Variants in STXBP3 observed in about 807,000 individuals in gnomAD.
STXBP3 encodes syntaxin-binding protein 3.
In STXBP3, 41 loss-of-function variants were observed where a neutral mutation model predicts 85.7. The observed-to-expected ratio is 0.48, with a 90% CI of 0.37 to 0.62. The LOEUF is 0.62. Among genes scored for constraint, STXBP3 ranks in the 20% least tolerant of loss-of-function variants. The pLI is 0.00. For missense variants in STXBP3, 563 were observed against 703.1 expected, an observed-to-expected ratio of 0.80 and a Z score of 2.25; for synonymous variants, 229 against 231.7, an observed-to-expected ratio of 0.99 and a Z score of 0.10.
At chr1:108,784,079 C>A (rs1662776918) in intron 11 of STXBP3, among the ~76,000 whole-genome samples, 1 of 152,100 alleles carries the variant, frequency 6.6e-6, no homozygotes, top group Non-Finnish European at 1.5e-5. Flanking sequence ...AACAGAAGAT[C>A]TCAATTTTAA....
Position 108,756,688 on chromosome 1 carries a change from A to T in STXBP3, c.182-2A>T, listed in dbSNP as rs755441013. On this transcript the variant is annotated splice_acceptor_variant, in intron 3 of 18. Transcript: ENST00000370008. LOFTEE classifies it high-confidence loss of function. ...ATATAAAATGACCTTTTTTCTTGTT[A>T]GTTGTAGAGAATATTTATAAGAACC... 2.0e-6 allele frequency: 3 copies of T among 1,532,816 alleles called. No individual in the cohort carries two copies. The highest frequency in any genetic ancestry group is 3.8e-5 in the Admixed American group (2 of 52,772). The allele number at this position is 1,532,816 out of a possible 1,614,324, so 95.0% of individuals were successfully genotyped here.
At chr1:108,763,672 T>C (rs540859295) in intron 6 of STXBP3, among the ~76,000 whole-genome samples, 1 of 151,862 alleles carries the variant, frequency 6.6e-6, no homozygotes, top group Admixed American at 6.6e-5. Flanking sequence ...ACTTCCCGAG[T>C]TCAAGCGATT....
At chr1:108,802,934 T>A (rs914296097) in intron 17 of STXBP3, among the ~76,000 whole-genome samples, 1 of 152,236 alleles carries the variant, frequency 6.6e-6, no homozygotes, top group Non-Finnish European at 1.5e-5. Flanking sequence ...TTTTCACTGC[T>A]AGTTGGTATA....
intron 6 of STXBP3, among the ~76,000 whole-genome samples, chr1:108,764,480 T>C (rs1662215140): frequency 6.6e-6 from 1 of 152,224 alleles, no homozygotes; most frequent in African/African-American, 2.4e-5. Context: ...CACACTGTCT[T>C]CCACAATGGT....
At chr1:108,759,464 G>A (rs562621530) in intron 5 of STXBP3, among the ~76,000 whole-genome samples, 3 of 152,210 alleles carry the variant, frequency 2.0e-5, no homozygotes, top group Non-Finnish European at 2.9e-5. Context: ...AGATCTAGTG[G>A]AATGATAAAC....
chr1:108,793,800 T>C (rs1198113643), intron 12 of STXBP3, among the ~76,000 whole-genome samples, 153 bp downstream of exon 12: 1 of 152,240 alleles, frequency 6.6e-6, no homozygotes, highest in Non-Finnish European at 1.5e-5. Context: ...ATATCCCATA[T>C]ATCTAAGCTT....
At chr1:108,779,908 T>G (rs1385232776) in intron 9 of STXBP3, 4 of 152,178 alleles carry the variant, frequency 2.6e-5, no homozygotes, top group African/African-American at 9.7e-5. Context: ...TGAGTTAATC[T>G]TGGTATAAAC....
At chr1:108,760,915 T>G (rs1662125371) in intron 6 of STXBP3, among the ~76,000 whole-genome samples, 1 of 152,194 alleles carries the variant, frequency 6.6e-6, no homozygotes, top group South Asian at 2.1e-4. Flanking sequence ...GTTTTTTTCT[T>G]TTTTTGAGAC....
chr1:108,769,189 A>G (rs575906975), intron 6 of STXBP3, among the ~76,000 whole-genome samples: 5 of 152,336 alleles, frequency 3.3e-5, no homozygotes, highest in Admixed American at 3.3e-4. Context: ...TATACTTACT[A>G]TTAAATAGAA....
intron 4 of STXBP3, 76 bp from the exon 5 acceptor site, chr1:108,758,430 ATAAT>A: frequency 1.4e-6 from 1 of 711,408 alleles, no homozygotes; most frequent in Non-Finnish European, 2.1e-6. Context: ...CTGAAATAAA[ATAAT>A]CTTAGTCATT....
At chr1:108,794,945 A>T in intron 13 of STXBP3, 38 bp downstream of exon 13, 1 of 1,538,808 alleles carries the variant, frequency 6.5e-7, no homozygotes, top group Non-Finnish European at 8.8e-7. Flanking sequence ...TTCATAACAA[A>T]TTTCAAGGAT....
chr1:108,759,958 A>G (rs1421118789), intron 5 of STXBP3, 27 bp from the exon 6 acceptor site: 2 of 1,346,054 alleles, frequency 1.5e-6, no homozygotes, highest in Non-Finnish European at 2.1e-6. Context: ...AGATGTAACT[A>G]TATGCTTTGT....
chr1:108,771,371 TATATATATAATATATAAATATATATG>T (rs1557805369), intron 6 of STXBP3, among the ~76,000 whole-genome samples: 4 of 119,516 alleles, frequency 3.3e-5, no homozygotes, highest in African/African-American at 6.7e-5. Flanking sequence ...TATATATCTA[TATATATATAATATATAAATATATATG>T]ATATATATCT....
At chr1:108,789,387 C>T (rs1429818330) in intron 11 of STXBP3, among the ~76,000 whole-genome samples, 1 of 152,082 alleles carries the variant, frequency 6.6e-6, no homozygotes, top group Admixed American at 6.5e-5. Flanking sequence ...CAAGACAGTT[C>T]TTCTTCCAGT....
intron 18 of STXBP3, among the ~76,000 whole-genome samples, 189 bp from the exon 19 acceptor site, chr1:108,808,594 C>T (rs1352270422): frequency 1.3e-5 from 2 of 152,234 alleles, no homozygotes; most frequent in Admixed American, 1.3e-4. Flanking sequence ...AGTTACTGAA[C>T]ATGCTCAGTG....
intron 11 of STXBP3, among the ~76,000 whole-genome samples, chr1:108,791,303 A>G (rs528321602): frequency 4.5e-4 from 69 of 152,278 alleles, no homozygotes; most frequent in African/African-American, 1.5e-3. Flanking sequence ...CAATTTGACC[A>G]TGATATGCCT....
At chr1:108,747,082 C>T (rs1661802440) in intron 1 of STXBP3, among the ~76,000 whole-genome samples, 2 of 121,456 alleles carry the variant, frequency 1.6e-5, no homozygotes, top group Admixed American at 1.5e-4. Context: ...CCCGGCTTTC[C>T]CTCCCGCGGA....
At chr1:108,800,683 T>C (rs1340094014) in intron 17 of STXBP3, among the ~76,000 whole-genome samples, 1 of 152,218 alleles carries the variant, frequency 6.6e-6, no homozygotes, top group Non-Finnish European at 1.5e-5. Flanking sequence ...TCAAGCTTCC[T>C]GTATATCACA....
intron 2 of STXBP3, 89 bp downstream of exon 2, chr1:108,752,395 T>C (rs1661923047): frequency 1.7e-6 from 2 of 1,208,082 alleles, no homozygotes; most frequent in Non-Finnish European, 2.4e-6. Context: ...TACATGGTAT[T>C]AGGTATTCTA....
Sources: gnomAD v4.1 joint callset for allele counts (sites outside exome capture counted in the v4.1 genomes callset) on GRCh38, gnomAD v4.1.1 for gene constraint, MANE v1.5 for transcripts, NCBI Gene and HGNC (gene_info 2026-07-23, HGNC 2026-07-21) for gene names.